Variants in MTUS2 observed in about 807,000 individuals in gnomAD.
MTUS2 encodes the protein microtubule-associated tumor suppressor candidate 2.
In MTUS2, 40 loss-of-function variants were observed where a neutral mutation model predicts 114.1. The observed-to-expected ratio is 0.35, with a 90% confidence interval of 0.27 to 0.46. The LOEUF is 0.46. Ranked by LOEUF, MTUS2 falls within the 20% of genes least tolerant of loss-of-function variation. The pLI is 1.00. For synonymous variants in MTUS2, 688 were observed against 672.0 expected, an observed-to-expected ratio of 1.02 and a Z score of -0.37; for missense variants, 1,679 against 1,705.4, an observed-to-expected ratio of 0.98 and a Z score of 0.27.
rs1882439719 is a variant in MTUS2, at chr13:28,944,945, A to G, written c.-242-79512A>G. On this transcript the variant is annotated intron_variant, in intron 2 of 15. Transcript: ENST00000612955. ...CACCCGAATAATGTACATTGAACCT[A>G]TTAAGTAACTTCTTATTCCTCACCC... Among the ~76,000 whole-genome samples the G allele has an allele frequency of 1.3e-5, 2 of 152,170 alleles. 1 individual carries two copies. Among genetic ancestry groups the G allele is most frequent in the South Asian group, 4.1e-4 (2 of 4,822 alleles).
At chr13:28,911,744 G>A (rs533196883) in intron 2 of MTUS2, among the ~76,000 whole-genome samples, 2 of 151,360 alleles carry the variant, frequency 1.3e-5, no homozygotes, top group South Asian at 2.1e-4. Flanking sequence ...TTTGTATTTC[G>A]TGATGATCGG....
chr13:29,375,514 A>T (rs1871531610), intron 8 of MTUS2, among the ~76,000 whole-genome samples: 1 of 8,986 alleles, frequency 1.1e-4, no homozygotes, highest in Admixed American at 3.9e-3. Context: ...GCACCAGCCT[A>T]CTATATATAT....
At chr13:28,951,656 G>T in intron 2 of MTUS2, among the ~76,000 whole-genome samples, 1 of 152,046 alleles carries the variant, frequency 6.6e-6, no homozygotes, top group East Asian at 1.9e-4. Flanking sequence ...AAAATGTGCT[G>T]GGTGTGGTGG....
At chr13:29,154,058 G>A (rs542378317) in intron 5 of MTUS2, among the ~76,000 whole-genome samples, 2 of 152,306 alleles carry the variant, frequency 1.3e-5, no homozygotes, top group South Asian at 4.1e-4. Flanking sequence ...ACACTTGGCT[G>A]TTGGAGTTCG....
In MTUS2 at chr13:29,504,747, G is replaced by A. The variant is rs1883120906; in HGVS notation, c.*1541G>A. The A allele has an allele frequency of 1.3e-5, 3 of 233,146 alleles. No individual in the cohort carries two copies. Among genetic ancestry groups the A allele is most frequent in the Admixed American group, 5.6e-5 (1 of 17,780 alleles). The allele number at this position is 233,146 out of a possible 1,614,324, so 14.4% of individuals were successfully genotyped here. A position where few individuals can be genotyped will look rare whatever the true frequency, so the allele number is the denominator to read the frequency against. Reference sequence around the variant, plus strand: ...GCCCTTGTTTCCTGTATGTGACAAAGACCCTGCACTTTCTCCCTGAGACCC... The same window carrying A: ...GCCCTTGTTTCCTGTATGTGACAAAAACCCTGCACTTTCTCCCTGAGACCC... On this transcript the variant is annotated 3_prime_UTR_variant, in exon 16 of 16. Coordinates refer to ENST00000612955, the MANE Select transcript of MTUS2 (RefSeq NM_001033602.4).
intron 2 of MTUS2, among the ~76,000 whole-genome samples, chr13:28,971,614 A>G (rs1406097715): frequency 6.6e-6 from 1 of 152,246 alleles, no homozygotes; most frequent in Non-Finnish European, 1.5e-5. Context: ...TATTTGCATT[A>G]TATAATGGGG....
intron 5 of MTUS2, among the ~76,000 whole-genome samples, chr13:29,153,690 A>G (rs1057099736): frequency 2.0e-5 from 3 of 152,186 alleles, no homozygotes; most frequent in Admixed American, 1.3e-4. Flanking sequence ...AGTGACCCTC[A>G]GTATCCCCAG....
intron 5 of MTUS2, among the ~76,000 whole-genome samples, chr13:29,107,156 A>AT (rs899612037): frequency 1.3e-5 from 2 of 151,850 alleles, no homozygotes; most frequent in African/African-American, 4.8e-5. Flanking sequence ...CCTCAATGTG[A>AT]TTTTTTTGTT....
rs147564113 is a variant in MTUS2 at position 29,188,770 on chromosome 13, C to T, written c.2644+87800C>T. 2.7e-3 allele frequency among the ~76,000 whole-genome samples: 417 copies of T among 152,248 alleles called. 1 individual carries two copies. The highest frequency in any genetic ancestry group is 9.7e-3 in the African/African-American group (401 of 41,536). ...CTTTCCCAGGAGTTCCCTTGCCTAC[C>T]TCCCCTTCTGAGTAGTAGCCACCCC... is the stretch of plus-strand genomic sequence containing the variant. On this transcript the variant is annotated intron_variant, in intron 5 of 15. Transcript: ENST00000612955.
At chr13:28,869,512 C>T (rs984809352) in intron 2 of MTUS2, among the ~76,000 whole-genome samples, 2 of 152,170 alleles carry the variant, frequency 1.3e-5, no homozygotes, top group Admixed American at 6.5e-5. Flanking sequence ...GTGGCTTATA[C>T]CTGTAATCCC....
At chr13:29,411,631 G>A (rs2138549670) in intron 8 of MTUS2, among the ~76,000 whole-genome samples, 1 of 152,318 alleles carries the variant, frequency 6.6e-6, no homozygotes, top group South Asian at 2.1e-4. Flanking sequence ...TGTTTTCACA[G>A]AGATTACATT....
chr13:28,837,892 G>A (rs763626553), intron 1 of MTUS2, among the ~76,000 whole-genome samples: 1 of 152,134 alleles, frequency 6.6e-6, no homozygotes, highest in Non-Finnish European at 1.5e-5. Flanking sequence ...ACAACACAGA[G>A]TGCCTCTGAA....
rs571783853 is a variant in MTUS2 at position 28,829,915 on chromosome 13, A to T, written c.-316+9304A>T. Among the ~76,000 whole-genome samples, 7 of 152,330 alleles carry T rather than the reference A, an allele frequency of 4.6e-5. No individual in the cohort carries two copies. In the South Asian group the frequency reaches 8.3e-4, roughly 18 times the overall value. On this transcript the variant is annotated intron_variant, in intron 1 of 15. Coordinates refer to ENST00000612955, the MANE Select transcript of MTUS2 (RefSeq NM_001033602.4). ...ATACTTAATAAGGCCTTAATCTGTCATCTCAGACTAACAATGAGGCTTTGC... is the reference window on the plus strand; with the variant it reads ...ATACTTAATAAGGCCTTAATCTGTCTTCTCAGACTAACAATGAGGCTTTGC...
At chr13:28,957,171 A>G (rs1418300206) in intron 2 of MTUS2, among the ~76,000 whole-genome samples, 1 of 152,166 alleles carries the variant, frequency 6.6e-6, no homozygotes, top group Non-Finnish European at 1.5e-5. Flanking sequence ...ACAACTTGGT[A>G]CTTTGGCCCA....
chr13:29,089,453 G>T (rs1889842631), intron 4 of MTUS2, among the ~76,000 whole-genome samples: 1 of 152,118 alleles, frequency 6.6e-6, no homozygotes, highest in African/African-American at 2.4e-5. Flanking sequence ...ATATTGTCTA[G>T]TATTTCACAG....
chr13:28,896,578 G>C (rs8001488), intron 2 of MTUS2, among the ~76,000 whole-genome samples: 19,403 of 152,170 alleles, frequency 0.13, 1,495 homozygotes, highest in African/African-American at 0.2. Flanking sequence ...AACCAAAAAA[G>C]AGCCCTCATT....
At chr13:28,917,309 C>T in intron 2 of MTUS2, among the ~76,000 whole-genome samples, 1 of 151,698 alleles carries the variant, frequency 6.6e-6, no homozygotes, top group East Asian at 1.9e-4. Flanking sequence ...CTTATCCTCT[C>T]TTGTTTGGAA....
At chr13:29,425,429 A>G (rs1029614840) in intron 8 of MTUS2, among the ~76,000 whole-genome samples, 1 of 147,506 alleles carries the variant, frequency 6.8e-6, no homozygotes, top group African/African-American at 2.7e-5. Context: ...ACAAACATAC[A>G]AAAAAAAGAA....
At chr13:28,878,457 A>G (rs1166287933) in intron 2 of MTUS2, among the ~76,000 whole-genome samples, 2 of 152,116 alleles carry the variant, frequency 1.3e-5, no homozygotes, top group Non-Finnish European at 2.9e-5. Context: ...TCTTGCATGC[A>G]TTAACTGTTG....
Sources: gnomAD v4.1 joint callset for allele counts (sites outside exome capture counted in the v4.1 genomes callset) on GRCh38, gnomAD v4.1.1 for gene constraint, MANE v1.5 for transcripts, NCBI Gene and HGNC (gene_info 2026-07-23, HGNC 2026-07-21) for gene names.